CSMD2: variants seen among roughly 807,000 people sequenced by gnomAD.
The protein encoded by CSMD2 is CUB and sushi domain-containing protein 2.
CSMD2 carries 130 observed loss-of-function variants against 398.5 expected under a neutral mutation model. The observed-to-expected ratio is 0.33, with a 90% CI of 0.28 to 0.38. The LOEUF (loss-of-function observed/expected upper bound fraction) is 0.38, where lower values mean the gene tolerates loss of function less well. CSMD2 is among the 10% of genes least tolerant of loss of function. The probability of loss-of-function intolerance (pLI) is 1.00; values close to 1 mark genes in which losing one functional copy is unlikely to be tolerated. For synonymous variants in CSMD2, 1,828 were observed against 1,908.5 expected (o/e 0.96, Z 1.10); for missense variants, 3,829 against 4,764.9 (o/e 0.80, Z 5.78).
At chr1:33,921,571 A>C (rs1385657537) in intron 4 of CSMD2, among the ~76,000 whole-genome samples, 1 of 152,188 alleles carries the variant, frequency 6.6e-6, no homozygotes, top group Non-Finnish European at 1.5e-5. Flanking sequence ...ATCATGGTGA[A>C]GAAAGGGACA....
intron 28 of CSMD2, among the ~76,000 whole-genome samples, chr1:33,650,016 C>T (rs960080241): frequency 6.6e-6 from 1 of 152,134 alleles, no homozygotes; most frequent in Non-Finnish European, 1.5e-5. Context: ...GGTCTTCTTG[C>T]CCCTGTAATT....
At chr1:33,634,856 T>C (rs2148912909) in intron 31 of CSMD2, among the ~76,000 whole-genome samples, 1 of 152,246 alleles carries the variant, frequency 6.6e-6, no homozygotes, top group African/African-American at 2.4e-5. Context: ...TCCTGCTCCT[T>C]GGCCACTCAC....
At chr1:34,050,008 G>A (rs1209359316) in intron 2 of CSMD2, among the ~76,000 whole-genome samples, 3 of 152,216 alleles carry the variant, frequency 2.0e-5, no homozygotes, top group Admixed American at 6.5e-5. Context: ...GCAGCTATCT[G>A]CAAGCCAGGA....
intron 12 of CSMD2, among the ~76,000 whole-genome samples, chr1:33,779,466 C>T (rs926572783): frequency 1.6e-4 from 24 of 152,170 alleles, no homozygotes; most frequent in African/African-American, 5.8e-4. Context: ...AGATAATTGT[C>T]AAAATGTCCA....
intron 10 of CSMD2, among the ~76,000 whole-genome samples, chr1:33,795,442 TAAG>T (rs1654839287): frequency 6.6e-6 from 1 of 152,156 alleles, no homozygotes; most frequent in South Asian, 2.1e-4. Context: ...GCATGAAACA[TAAG>T]AAGGGCATCT....
chr1:33,644,878 G>T (rs181595970), intron 29 of CSMD2, among the ~76,000 whole-genome samples: 1 of 152,234 alleles, frequency 6.6e-6, no homozygotes, highest in East Asian at 1.9e-4. Flanking sequence ...AGAAAGGATG[G>T]CAGAATATCC....
intron 2 of CSMD2, among the ~76,000 whole-genome samples, chr1:34,059,179 G>A (rs977924287): frequency 2.0e-5 from 3 of 152,154 alleles, no homozygotes; most frequent in Non-Finnish European, 2.9e-5. Context: ...TGACCCTAAG[G>A]TCACTGCTAC....
At chr1:33,786,491 T>A (rs559771156) in intron 12 of CSMD2, among the ~76,000 whole-genome samples, 1 of 152,248 alleles carries the variant, frequency 6.6e-6, no homozygotes, top group African/African-American at 2.4e-5. Flanking sequence ...TGTGTAACTT[T>A]ATGCACCGGA....
intron 56 of CSMD2, among the ~76,000 whole-genome samples, chr1:33,548,090 CCTTCTG>C (rs1180108015): frequency 3.3e-5 from 5 of 152,224 alleles, no homozygotes; most frequent in Admixed American, 1.3e-4. Flanking sequence ...GCCTGCTTCC[CCTTCTG>C]CCATGATTGT....
chr1:34,004,463 TTTTG>T (rs573540011), intron 3 of CSMD2, among the ~76,000 whole-genome samples: 55 of 152,250 alleles, frequency 3.6e-4, no homozygotes, highest in Non-Finnish European at 4.9e-4. Flanking sequence ...CAAGGTTTTT[TTTTG>T]TTTGTTTGTT....
At chr1:33,578,196 C>A (rs1638431869) in intron 48 of CSMD2, among the ~76,000 whole-genome samples, 2 of 152,176 alleles carry the variant, frequency 1.3e-5, no homozygotes, top group Middle Eastern at 3.2e-3. Context: ...ATGGCTTCAA[C>A]TTATTTCATT....
chr1:33,667,732 G>A (rs747628058), intron 25 of CSMD2, among the ~76,000 whole-genome samples: 1 of 152,230 alleles, frequency 6.6e-6, no homozygotes, highest in Admixed American at 6.5e-5. Flanking sequence ...TGATGTTGCG[G>A]AGAGGAGTGC....
chr1:34,158,710 C>T (rs1641032950), intron 1 of CSMD2, among the ~76,000 whole-genome samples: 1 of 152,162 alleles, frequency 6.6e-6, no homozygotes, highest in Non-Finnish European at 1.5e-5. Flanking sequence ...TGAATGGTAA[C>T]AATGGGCCCA....
At chr1:34,093,601 C>A (rs1283324928) in intron 1 of CSMD2, among the ~76,000 whole-genome samples, 16 of 151,670 alleles carry the variant, frequency 1.1e-4, no homozygotes, top group Non-Finnish European at 1.6e-4. Flanking sequence ...TCGAGAACTA[C>A]ATGAAGAATG....
chr1:33,723,403 C>G (rs918991107), intron 19 of CSMD2, among the ~76,000 whole-genome samples: 6 of 152,270 alleles, frequency 3.9e-5, no homozygotes, highest in Non-Finnish European at 8.8e-5. Flanking sequence ...TCTGGATGAA[C>G]TTGGCAATAA....
At chr1:33,840,514 C>T (rs1259732219) in intron 6 of CSMD2, among the ~76,000 whole-genome samples, 1 of 152,172 alleles carries the variant, frequency 6.6e-6, no homozygotes. Flanking sequence ...TAGCTGTTGC[C>T]CCATGAGCTT....
At chr1:33,780,637 A>G (rs1326226352) in intron 12 of CSMD2, among the ~76,000 whole-genome samples, 1 of 152,186 alleles carries the variant, frequency 6.6e-6, no homozygotes, top group East Asian at 1.9e-4. Flanking sequence ...TCACTGACAA[A>G]TTACTTTCTA....
At chr1:33,699,571 C>G (rs1405937108) in intron 23 of CSMD2, among the ~76,000 whole-genome samples, 1 of 152,222 alleles carries the variant, frequency 6.6e-6, no homozygotes, top group East Asian at 1.9e-4. Flanking sequence ...CTCTAATCCT[C>G]TTCCACTGAA....
At position 33,518,791 on chromosome 1, in the gene CSMD2, A is replaced by G. The variant is rs1323691680; in HGVS notation, c.*53+674T>C. ...CTTTAGATTTCCACCTTGCCAGCCA[A>G]TTCCTTAGATGAATCTCTCTCTCTA... On this transcript the variant is annotated intron_variant, in intron 70 of 70. Transcript: ENST00000373381. This position sits in a 1 kb window ranked among gnomAD's most constrained non-coding sequence, Gnocchi z 4.3. Among the ~76,000 whole-genome samples, 1 of 152,054 alleles carries G rather than the reference A, an allele frequency of 6.6e-6. No homozygotes were observed. The highest frequency in any genetic ancestry group is 2.4e-5 in the African/African-American group (1 of 41,410).
Sources: allele counts gnomAD v4.1 joint callset (sites outside exome capture counted in the v4.1 genomes callset), GRCh38; gene constraint gnomAD v4.1.1; non-coding constraint Gnocchi (gnomAD v3.1); transcripts MANE v1.5; gene names NCBI Gene and HGNC (gene_info 2026-07-23, HGNC 2026-07-21).